The following CTTNBP2 variants were observed in gnomAD, a reference collection of about 807,000 sequenced individuals.
The protein encoded by CTTNBP2 is cortactin-binding protein 2.
In CTTNBP2, 108 loss-of-function variants were observed where a neutral mutation model predicts 156.9. That is an observed-to-expected ratio of 0.69 (90% CI 0.59 to 0.81). CTTNBP2 has a LOEUF of 0.81. Among genes scored for constraint, CTTNBP2 ranks in the 30% least tolerant of loss-of-function variants. The pLI is 0.00. For missense variants in CTTNBP2, 1,924 were observed against 2,035.4 expected (o/e 0.95, Z 1.05); for synonymous variants, 767 against 751.8 (o/e 1.02, Z -0.33).
chr7:117,846,326 A>T (rs1802584698), intron 2 of CTTNBP2, among the ~76,000 whole-genome samples: 1 of 152,246 alleles, frequency 6.6e-6, no homozygotes, highest in Non-Finnish European at 1.5e-5. Context: ...GCTTGATAAA[A>T]AAAATGAGAA....
intron 2 of CTTNBP2, among the ~76,000 whole-genome samples, chr7:117,828,392 T>G (rs1370044993): frequency 2.0e-5 from 3 of 152,208 alleles, no homozygotes; most frequent in African/African-American, 7.2e-5. Context: ...CACTCCTGGC[T>G]ACCGTTAAGT....
chr7:117,832,086 C>T (rs528273749), intron 2 of CTTNBP2, among the ~76,000 whole-genome samples: 74 of 151,320 alleles, frequency 4.9e-4, no homozygotes, highest in Admixed American at 1.1e-3. Flanking sequence ...TCCCACCCCA[C>T]ACCTTTTACC....
In CTTNBP2 at chr7:117,773,772, A is replaced by G. The variant is rs548889837; in HGVS notation, c.2778+3739T>C. Among the ~76,000 whole-genome samples, 5 of 152,124 alleles carry G rather than the reference A, an allele frequency of 3.3e-5. No homozygotes were observed. In the East Asian group the frequency reaches 9.7e-4, roughly 29 times the overall value. The stretch of plus-strand genomic sequence containing the variant: ...GGTCAGCAAAGTTGGAGAGGAAGTG[A>G]GAAAAGGGCAGTGTTCTGGAAGCCC... On this transcript the variant is annotated intron_variant, in intron 8 of 22. Coordinates refer to ENST00000160373, the MANE Select transcript of CTTNBP2 (RefSeq NM_033427.3).
intron 14 of CTTNBP2, among the ~76,000 whole-genome samples, chr7:117,745,105 C>T (rs1796251386): frequency 6.6e-6 from 1 of 152,172 alleles, no homozygotes; most frequent in Non-Finnish European, 1.5e-5. Flanking sequence ...CAGGGTTATG[C>T]TAATTCCACC....
chr7:117,833,124 G>T (rs997566925), intron 2 of CTTNBP2, among the ~76,000 whole-genome samples: 3 of 152,006 alleles, frequency 2.0e-5, no homozygotes, highest in African/African-American at 7.2e-5. Flanking sequence ...CCCAGGTCCA[G>T]GTATCCCATA....
chr7:117,741,433 A>G (rs1368132679), intron 14 of CTTNBP2, among the ~76,000 whole-genome samples: 4 of 152,236 alleles, frequency 2.6e-5, no homozygotes, highest in African/African-American at 7.2e-5. Context: ...TACATACAGA[A>G]TAAAAATCCT....
At chr7:117,779,337 C>A (rs920828801) in intron 7 of CTTNBP2, among the ~76,000 whole-genome samples, 1 of 152,132 alleles carries the variant, frequency 6.6e-6, no homozygotes, top group Non-Finnish European at 1.5e-5. Flanking sequence ...TTGATACTTT[C>A]TTATTATAAG....
At chr7:117,727,383 TG>T (rs1182936572) in intron 17 of CTTNBP2, among the ~76,000 whole-genome samples, 1 of 152,056 alleles carries the variant, frequency 6.6e-6, no homozygotes, top group Non-Finnish European at 1.5e-5. Context: ...TAAATAGAGA[TG>T]GGGTCTCACT....
chr7:117,822,524 T>G (rs1052909749), intron 2 of CTTNBP2, among the ~76,000 whole-genome samples: 2 of 152,222 alleles, frequency 1.3e-5, no homozygotes, highest in Non-Finnish European at 2.9e-5. Context: ...TAAATTTTCC[T>G]CTAAGCACTG....
chr7:117,758,351 G>T (rs1009281531), intron 10 of CTTNBP2, among the ~76,000 whole-genome samples: 5 of 151,756 alleles, frequency 3.3e-5, no homozygotes, highest in African/African-American at 1.2e-4. Context: ...CTTTGGGTGA[G>T]ATATGAGATC....
intron 1 of CTTNBP2, among the ~76,000 whole-genome samples, chr7:117,866,653 C>T (rs1482593746): frequency 1.3e-5 from 2 of 152,156 alleles, no homozygotes; most frequent in African/African-American, 4.8e-5. Flanking sequence ...GTTTGAATCT[C>T]AGGTTTTCCA....
At chr7:117,783,819 C>T (rs1563002786) in intron 5 of CTTNBP2, among the ~76,000 whole-genome samples, 1 of 152,136 alleles carries the variant, frequency 6.6e-6, no homozygotes, top group Non-Finnish European at 1.5e-5. Flanking sequence ...TTTATAGTTA[C>T]ACAACTTCTC....
chr7:117,865,098 T>C (rs1344281821), intron 1 of CTTNBP2, among the ~76,000 whole-genome samples: 1 of 151,492 alleles, frequency 6.6e-6, no homozygotes, highest in African/African-American at 2.4e-5. Context: ...TTTTAAGTCA[T>C]ATAATGTTTA....
intron 2 of CTTNBP2, among the ~76,000 whole-genome samples, chr7:117,838,136 A>G (rs760348959): frequency 1.3e-5 from 2 of 152,214 alleles, no homozygotes; most frequent in South Asian, 2.1e-4. Flanking sequence ...TCACCTAGAG[A>G]TAAGTACCAC....
rs1798984254 is a variant in CTTNBP2, at chr7:117,791,235, C to G, written c.1961G>C (p.Ser654Thr). ...AATGGTGGTAGGAATGACAAGGGAA[C>G]TGTCTGAACATGCAGGTTGGTTCAG... ...PGLNQPACSD[S>T]SLVIPTTIAF... Residue 654 changes from serine (S) to threonine (T), a missense_variant, in exon 4 of 23, where the codon AGT (serine) becomes ACT (threonine). Ser to Thr is a moderately conservative substitution (Grantham distance 58). Coordinates refer to ENST00000160373, the MANE Select transcript of CTTNBP2 (RefSeq NM_033427.3). 1 of 1,614,066 alleles carries G rather than the reference C, an allele frequency of 6.2e-7. No homozygotes were observed. Among genetic ancestry groups the G allele is most frequent in the African/African-American group, 1.3e-5 (1 of 74,936 alleles).
intron 9 of CTTNBP2, among the ~76,000 whole-genome samples, chr7:117,763,552 CTTCTTTT>C (rs1318599176): frequency 3.0e-5 from 4 of 131,502 alleles, no homozygotes; most frequent in Non-Finnish European, 3.1e-5. Context: ...TTTTCTTCTT[CTTCTTTT>C]TTTTTTTTTT....
intron 2 of CTTNBP2, among the ~76,000 whole-genome samples, chr7:117,828,633 A>T (rs918663202): frequency 3.9e-5 from 6 of 152,252 alleles, no homozygotes; most frequent in Non-Finnish European, 7.3e-5. Flanking sequence ...TGTAAAACTG[A>T]ACAGGCCATT....
At chr7:117,725,525 TA>T (rs1016593894) in intron 17 of CTTNBP2, among the ~76,000 whole-genome samples, 4 of 152,106 alleles carry the variant, frequency 2.6e-5, no homozygotes, top group South Asian at 2.1e-4. Flanking sequence ...GCTGAGTGAA[TA>T]AATGCATGAA....
chr7:117,871,835 C>T (rs903325148), intron 1 of CTTNBP2: 13 of 523,454 alleles, frequency 2.5e-5, no homozygotes, highest in Non-Finnish European at 3.1e-5. Context: ...TCTTTTTCGT[C>T]CTTCCCCTTC....
Sources: gnomAD v4.1 joint callset for allele counts (sites outside exome capture counted in the v4.1 genomes callset) on GRCh38, gnomAD v4.1.1 for gene constraint, MANE v1.5 for transcripts, NCBI Gene and HGNC (gene_info 2026-07-23, HGNC 2026-07-21) for gene names.